Variants in PCDHGA3 observed in about 807,000 individuals in gnomAD.
PCDHGA3 encodes the protein protocadherin gamma subfamily A, 3.
Under a neutral mutation model 58.5 loss-of-function variants are expected in PCDHGA3, and 40 were observed. The observed-to-expected ratio is 0.68, with a 90% CI of 0.53 to 0.89. The LOEUF is 0.89. Among genes scored for constraint, PCDHGA3 ranks in the 40% least tolerant of loss-of-function variants. PCDHGA3 has a pLI of 0.00. For synonymous variants in PCDHGA3, 530 were observed against 525.7 expected, an observed-to-expected ratio of 1.01 and a Z score of -0.11; for missense variants, 1,223 against 1,195.9, an observed-to-expected ratio of 1.02 and a Z score of -0.33.
At chr5:141,414,360 A>G (rs1177384414) in intron 1 of PCDHGA3, 1 of 1,613,800 alleles carries the variant, frequency 6.2e-7, no homozygotes, top group Non-Finnish European at 8.5e-7. Context: ...CGTATCTACC[A>G]TTTAAATTAG....
chr5:141,422,655 C>T (rs188587553), intron 1 of PCDHGA3: 2 of 1,610,120 alleles, frequency 1.2e-6, no homozygotes, highest in Admixed American at 3.3e-5. Flanking sequence ...TCTCAGTGAC[C>T]GCCCTCGACC....
At chr5:141,357,338 C>T (rs749392491) in intron 1 of PCDHGA3, 1 of 1,614,128 alleles carries the variant, frequency 6.2e-7, no homozygotes, top group Non-Finnish European at 8.5e-7. Context: ...GTGCTGCTAG[C>T]ACTCAAGCTG....
At chr5:141,500,221 TTTA>T (rs1428029040) in intron 2 of PCDHGA3, among the ~76,000 whole-genome samples, 2 of 151,002 alleles carry the variant, frequency 1.3e-5, no homozygotes, top group Non-Finnish European at 2.9e-5. Flanking sequence ...TATTTATTTA[TTTA>T]TTGATACGTA....
At chr5:141,492,168 A>C (rs1426223836) in intron 1 of PCDHGA3, among the ~76,000 whole-genome samples, 1 of 152,108 alleles carries the variant, frequency 6.6e-6, no homozygotes, top group African/African-American at 2.4e-5. Context: ...CTATCCCCGC[A>C]TCACCCAACC....
chr5:141,401,761 A>T (rs2094191513), intron 1 of PCDHGA3, among the ~76,000 whole-genome samples: 1 of 152,210 alleles, frequency 6.6e-6, no homozygotes, highest in African/African-American at 2.4e-5. Flanking sequence ...ATTACATGGT[A>T]TAAGTCTTTT....
At chr5:141,365,801 C>G in intron 1 of PCDHGA3, 1 of 1,613,966 alleles carries the variant, frequency 6.2e-7, no homozygotes, top group Non-Finnish European at 8.5e-7. Context: ...CACCTACTCC[C>G]TGGCTGAAGA....
intron 1 of PCDHGA3, chr5:141,478,463 G>A: frequency 6.2e-7 from 1 of 1,613,424 alleles, no homozygotes; most frequent in South Asian, 1.1e-5. Context: ...CAGTCCACTG[G>A]CCAGCCGCCA....
At chr5:141,463,526 A>G (rs989086820) in intron 1 of PCDHGA3, among the ~76,000 whole-genome samples, 1 of 131,914 alleles carries the variant, frequency 7.6e-6, no homozygotes, top group Non-Finnish European at 1.5e-5. Flanking sequence ...TCGGCTTACT[A>G]GAAACTCCGG....
At chr5:141,501,510 T>A (rs11744379) in intron 2 of PCDHGA3, among the ~76,000 whole-genome samples, 1 of 151,824 alleles carries the variant, frequency 6.6e-6, no homozygotes, top group African/African-American at 2.4e-5. Flanking sequence ...CTCCAAGGCC[T>A]CCAAGCTGAA....
chr5:141,413,967 G>C, intron 1 of PCDHGA3: 15 of 1,613,428 alleles, frequency 9.3e-6, no homozygotes, highest in Non-Finnish European at 1.2e-5. Context: ...TGGGCACTCA[G>C]CTGCTGACAG....
At chr5:141,403,811 A>C in intron 1 of PCDHGA3, 1 of 1,613,930 alleles carries the variant, frequency 6.2e-7, no homozygotes, top group Non-Finnish European at 8.5e-7. Flanking sequence ...AATTAATGAA[A>C]AACAATCTCT....
Position 141,346,216 on chromosome 5 carries a change from C to G in PCDHGA3, c.2183C>G (p.Ser728Trp). ...CACAAGTCACGCCTGCTGCAGGCTT[C>G]GGGAGGCGGCTTGGCGAGTACGCCC... is the stretch of plus-strand genomic sequence containing the variant. ...RWHKSRLLQA[S>W]GGGLASTPGS... The change falls in exon 1 of 4, where the codon TCG becomes TGG. Residue 728 changes from serine (S) to tryptophan (W), a missense_variant. By Grantham distance (177) the Ser-to-Trp change is radical (BLOSUM62 -3). This residue lies in a region of PCDHGA3 where 325 missense variants were observed against 327.5 expected (regional missense o/e 0.99). Transcript: ENST00000253812. 1 of 1,614,178 alleles carries G rather than the reference C, an allele frequency of 6.2e-7. No homozygotes were observed. The highest frequency in any genetic ancestry group is 8.5e-7 in the Non-Finnish European group (1 of 1,180,026).
At chr5:141,375,585 T>C (rs765334095) in intron 1 of PCDHGA3, 7 of 1,614,014 alleles carry the variant, frequency 4.3e-6, no homozygotes, top group African/African-American at 1.3e-5. Context: ...GGGGCGCCCC[T>C]GTCCTCCTAC....
chr5:141,409,961 C>G (rs538942740), intron 1 of PCDHGA3: 26 of 1,613,442 alleles, frequency 1.6e-5, no homozygotes, highest in Admixed American at 8.3e-5. Context: ...GCCCGGCTAC[C>G]TAGTGACTAA....
At chr5:141,399,107 G>A in intron 1 of PCDHGA3, 1 of 1,613,794 alleles carries the variant, frequency 6.2e-7, no homozygotes, top group Non-Finnish European at 8.5e-7. Flanking sequence ...GTTGCACAAT[G>A]TACAGTTGAA....
chr5:141,362,374 A>G, intron 1 of PCDHGA3: 1 of 1,614,036 alleles, frequency 6.2e-7, no homozygotes, highest in Non-Finnish European at 8.5e-7. Flanking sequence ...CAGTGAGGGT[A>G]CATTGCCCTA....
At chr5:141,494,768 C>T (rs758949982) in intron 1 of PCDHGA3, 39 bp from the exon 2 acceptor site, 1 of 1,614,060 alleles carries the variant, frequency 6.2e-7, no homozygotes, top group South Asian at 1.1e-5. Flanking sequence ...TCTAACTTCT[C>T]ACGGGTACTC....
chr5:141,347,020 TTTCCTCC>T (rs1757845884), intron 1 of PCDHGA3, among the ~76,000 whole-genome samples: 2 of 151,876 alleles, frequency 1.3e-5, no homozygotes, highest in Admixed American at 6.6e-5. Flanking sequence ...TTCCTCTCTC[TTTCCTCC>T]TTCCTTCCTT....
chr5:141,360,903 G>T (rs752031820), intron 1 of PCDHGA3: 1 of 1,613,916 alleles, frequency 6.2e-7, no homozygotes, highest in East Asian at 2.2e-5. Context: ...AGGACGTGCC[G>T]CCGGGCTTCT....
Sources: allele counts gnomAD v4.1 joint callset (sites outside exome capture counted in the v4.1 genomes callset), GRCh38; gene constraint gnomAD v4.1.1; regional missense constraint gnomAD v4.1.1; transcripts MANE v1.5; gene names NCBI Gene and HGNC (gene_info 2026-07-23, HGNC 2026-07-21).